DOK7: variants seen among roughly 807,000 people sequenced by gnomAD.
The protein encoded by DOK7 is protein Dok-7.
DOK7 carries 32 observed loss-of-function variants against 30.7 expected under a neutral mutation model. That is an observed-to-expected ratio of 1.04 (90% confidence interval 0.79 to 1.40). The LOEUF (loss-of-function observed/expected upper bound fraction) is 1.40. Ranked by LOEUF, DOK7 falls within the 40% of genes most tolerant of loss-of-function variation. DOK7 has a pLI of 0.00. For missense variants in DOK7, 1,007 were observed against 699.2 expected (o/e 1.44, Z -4.97); for synonymous variants, 447 against 324.1 (o/e 1.38, Z -4.07).
At chr4:3,500,342 C>T in exon 7 of DOK7, 1 of 1,535,964 alleles carries the variant, frequency 6.5e-7, no homozygotes, top group South Asian at 1.2e-5. Flanking sequence ...TCAGCCCATC[C>T]TCCAGAAAGC....
chr4:3,500,791 C>A lies in DOK7; in HGVS notation c.1361C>A (p.Ser454Ter), dbSNP rs567198939. 7.6e-5 allele frequency: 116 copies of A among 1,533,932 alleles called. 2 individuals are homozygous for A. The South Asian group carries it at 1.3e-3, about 17-fold the overall frequency. ...GCACGGGCCCGGGAGGAGCAGCTGT[C>A]GGAGCTGGAGCAGAGGAAGGCAGCC... is the stretch of plus-strand genomic sequence containing the variant. Residue 454 changes from serine (S) to a stop codon, truncating the protein, a stop_gained, in exon 8 of 8, where the codon TCG (serine) becomes TAG (stop). Transcript: ENST00000643608. LOFTEE classifies it high-confidence loss of function.
intron 6 of DOK7, among the ~76,000 whole-genome samples, chr4:3,491,312 T>TC (rs1340003585): frequency 2.3e-3 from 294 of 127,416 alleles, no homozygotes; most frequent in African/African-American, 8.7e-3. Flanking sequence ...CATTCCTGCC[T>TC]TCTCCCCCTG....
chr4:3,478,613 C>T (rs879580415), intron 4 of DOK7, among the ~76,000 whole-genome samples: 48 of 74,602 alleles, frequency 6.4e-4, no homozygotes, highest in Non-Finnish European at 1.2e-3. Flanking sequence ...CCACAGAACC[C>T]GCCTTTGCAG....
intron 5 of DOK7, among the ~76,000 whole-genome samples, chr4:3,485,918 C>G (rs1365756593): frequency 6.6e-6 from 1 of 152,182 alleles, no homozygotes; most frequent in Non-Finnish European, 1.5e-5. Flanking sequence ...AACGCTTGGC[C>G]CTAGAGCTTT....
intron 4 of DOK7, among the ~76,000 whole-genome samples, chr4:3,478,924 C>T (rs116405543): frequency 0.011 from 1,739 of 152,282 alleles, 34 homozygotes; most frequent in African/African-American, 0.039. Flanking sequence ...GGGGAGTCTG[C>T]GGCACGTGTG....
At position 3,493,749 on chromosome 4, in the gene DOK7, CT is replaced by C; in HGVS notation, c.*249del. On this transcript the variant is annotated 3_prime_UTR_variant, in exon 7 of 7. Transcript: ENST00000340083. ...GGTCGGGGTCACCAGAGCCCCAATG[CT>C]CAGCTGCTTCACTCCGTGTCCCCCA... 2.1e-6 allele frequency: 3 copies of C among 1,418,504 alleles called. No individual in the cohort carries two copies. In the South Asian group the frequency reaches 4.6e-5, roughly 22 times the overall value. 87.9% of individuals were successfully genotyped at this position (1,418,504 alleles called of 1,614,324 possible). A position where few individuals can be genotyped will look rare whatever the true frequency, so the allele number is the denominator to read the frequency against.
At chr4:3,479,938 G>T (rs1401975447) in intron 4 of DOK7, among the ~76,000 whole-genome samples, 1 of 152,238 alleles carries the variant, frequency 6.6e-6, no homozygotes, top group Non-Finnish European at 1.5e-5. Flanking sequence ...GACGGTCTGT[G>T]GACAGCTCAG....
At chr4:3,499,744 G>C (rs1729099949) in intron 6 of DOK7, among the ~76,000 whole-genome samples, 1 of 152,072 alleles carries the variant, frequency 6.6e-6, no homozygotes, top group South Asian at 2.1e-4. Context: ...GTGTGCAGGA[G>C]AGGAGGGGGT....
At position 3,473,666 on chromosome 4, in the gene DOK7, G is replaced by A. The variant is rs986262251; in HGVS notation, c.331+30G>A. ...GTGACGGGGGCCGGGGCCGGGCGGG[G>A]GCTCCCCGTTCAGGTGTGCCGGGGC... On this transcript the variant is annotated intron_variant, in intron 3 of 6. Coordinates refer to ENST00000340083, the MANE Select transcript of DOK7 (RefSeq NM_173660.5). 5.9e-6 allele frequency: 9 copies of A among 1,516,356 alleles called. No homozygotes were observed. In the African/African-American group the frequency reaches 9.6e-5, roughly 16 times the overall value. The allele number at this position is 1,516,356 out of a possible 1,614,324, so 93.9% of individuals were successfully genotyped here. A position where few individuals can be genotyped will look rare whatever the true frequency, so the allele number is the denominator to read the frequency against.
chr4:3,495,349 CTG>C (rs376761758), downstream of DOK7, among the ~76,000 whole-genome samples: 335 of 152,324 alleles, frequency 2.2e-3, 1 homozygote, highest in African/African-American at 7.4e-3. Flanking sequence ...GCTCAGCCCT[CTG>C]TGTTCCCACG....
At chr4:3,484,032 G>GCAGGAC in intron 4 of DOK7, among the ~76,000 whole-genome samples, 3 of 152,192 alleles carry the variant, frequency 2.0e-5, no homozygotes, top group African/African-American at 7.2e-5. Flanking sequence ...CTCACCCACA[G>GCAGGAC]TAGGACTGGA....
intron 2 of DOK7, among the ~76,000 whole-genome samples, chr4:3,469,642 G>A (rs1041861097): frequency 3.9e-5 from 6 of 152,126 alleles, no homozygotes; most frequent in East Asian, 3.9e-4. Context: ...GTGTCTACCC[G>A]GCACACGTGC....
At chr4:3,494,625 G>A, downstream of DOK7, 1 of 787,454 alleles carries the variant, frequency 1.3e-6, no homozygotes, top group East Asian at 1.3e-4. Flanking sequence ...TCTGTCTTGT[G>A]AGCCTTGGGC....
Position 3,492,931 on chromosome 4 carries a change from A to G in DOK7, c.945A>G (p.Ser315=). Reference sequence around the variant, plus strand: ...CCGGGGAAGCCATGGTGGGTGCCTCAAGGCCACCCCCCAAGCCGCTGCGTC... The same window carrying G: ...CCGGGGAAGCCATGGTGGGTGCCTCGAGGCCACCCCCCAAGCCGCTGCGTC... The part of the protein sequence containing the change: ...QAAGEAMVGA[S]RPPPKPLRPR... The change falls in exon 7 of 7, where the codon TCA becomes TCG. Residue 315 remains serine (S), a synonymous_variant. Transcript: ENST00000340083. The G allele has an allele frequency of 1.3e-6, 2 of 1,559,872 alleles. No homozygotes were observed. Among genetic ancestry groups the G allele is most frequent in the Admixed American group, 3.8e-5 (2 of 52,352 alleles).
chr4:3,491,844 G>A (rs1378788864), intron 6 of DOK7, among the ~76,000 whole-genome samples: 2 of 152,224 alleles, frequency 1.3e-5, no homozygotes, highest in Non-Finnish European at 2.9e-5. Context: ...CAGAGCAGGA[G>A]GGGCCGCTGT....
chr4:3,481,846 C>T (rs372214712), intron 4 of DOK7, among the ~76,000 whole-genome samples: 13 of 152,154 alleles, frequency 8.5e-5, no homozygotes, highest in Admixed American at 5.2e-4. Flanking sequence ...TTTCTCAAGC[C>T]GGTGAGTCCT....
At chr4:3,467,132 A>C (rs1434448802) in intron 2 of DOK7, among the ~76,000 whole-genome samples, 3 of 151,914 alleles carry the variant, frequency 2.0e-5, no homozygotes, top group Admixed American at 6.5e-5. Context: ...GTGACCTCCA[A>C]AGGCTGTCCC....
At position 3,493,942 on chromosome 4, in the gene DOK7, A is replaced by G; in HGVS notation, c.*441A>G. 9.9e-6 allele frequency: 10 copies of G among 1,011,938 alleles called. No individual in the cohort carries two copies. Among genetic ancestry groups the G allele is most frequent in the Non-Finnish European group, 1.2e-5 (10 of 848,366 alleles). The allele number at this position is 1,011,938 out of a possible 1,614,324, so 62.7% of individuals were successfully genotyped here. On this transcript the variant is annotated 3_prime_UTR_variant, in exon 7 of 7. Transcript: ENST00000340083. The stretch of plus-strand genomic sequence containing the variant: ...CTCTGGGGCAGTCACACCACCTGTT[A>G]AGCATCAAGCTACCACAGAGGCTCC...
At position 3,493,023 on chromosome 4, in the gene DOK7, C is replaced by G. The variant is rs568530359; in HGVS notation, c.1037C>G (p.Ser346Cys). The G allele has an allele frequency of 8.3e-6, 13 of 1,569,330 alleles. No individual in the cohort carries two copies. The highest frequency in any genetic ancestry group is 1.2e-5 in the South Asian group (1 of 86,930). The stretch of plus-strand genomic sequence containing the variant: ...AGCGGCATCGCCACTGGCAGCCACT[C>G]CTCTTACTCCAGCAGCCTCTCGTCC... ...SDSGIATGSH[S>C]SYSSSLSSYA... The change falls in exon 7 of 7, where the codon TCC becomes TGC. Residue 346 changes from serine (S) to cysteine (C), a missense_variant. Coordinates refer to ENST00000340083, the MANE Select transcript of DOK7 (RefSeq NM_173660.5).
Sources: allele counts gnomAD v4.1 joint callset (sites outside exome capture counted in the v4.1 genomes callset), GRCh38; gene constraint gnomAD v4.1.1; transcripts MANE v1.5; gene names NCBI Gene and HGNC (gene_info 2026-07-23, HGNC 2026-07-21).